STK32A: variants seen among roughly 807,000 people sequenced by gnomAD.
STK32A encodes serine/threonine-protein kinase 32A.
A neutral mutation model predicts 53.2 loss-of-function variants in STK32A; 41 were observed. The observed-to-expected ratio is 0.77, with a 90% CI of 0.60 to 1.00. The LOEUF (loss-of-function observed/expected upper bound fraction) is 1.00. Among genes scored for constraint, STK32A ranks in the 50% least tolerant of loss-of-function variants. The probability of loss-of-function intolerance (pLI) is 0.00; values close to 1 mark genes in which losing one functional copy is unlikely to be tolerated. For missense variants in STK32A, 458 were observed against 485.8 expected, an observed-to-expected ratio of 0.94 and a Z score of 0.54; for synonymous variants, 166 against 162.8, an observed-to-expected ratio of 1.02 and a Z score of -0.15.
intron 4 of STK32A, among the ~76,000 whole-genome samples, chr5:147,322,947 A>G (rs975801386): frequency 5.9e-5 from 9 of 152,266 alleles, no homozygotes; most frequent in African/African-American, 1.7e-4. Context: ...CGCCTTCTCC[A>G]GACACAAGTT....
Position 147,385,903 on chromosome 5 carries a change from A to C in STK32A, c.*1920A>C, listed in dbSNP as rs1043546671. On this transcript the variant is annotated 3_prime_UTR_variant, in exon 13 of 13. Coordinates refer to ENST00000397936, the MANE Select transcript of STK32A (RefSeq NM_001112724.2). ...TGATGCCCATTTGGGAAGCCAGGCA[A>C]GTGAAAATGGACCGAAGAAACAGAG... 5.3e-5 allele frequency: 8 copies of C among 152,258 alleles called. No individual in the cohort carries two copies. The highest frequency in any genetic ancestry group is 1.0e-4 in the Non-Finnish European group (7 of 68,068). 9.4% of individuals were successfully genotyped at this position (152,258 alleles called of 1,614,324 possible).
chr5:147,280,687 G>A (rs1752024075), intron 4 of STK32A, among the ~76,000 whole-genome samples: 2 of 151,432 alleles, frequency 1.3e-5, no homozygotes, highest in South Asian at 4.2e-4. Context: ...GCCCCCACCT[G>A]ATGGTCCTTC....
intron 4 of STK32A, among the ~76,000 whole-genome samples, chr5:147,312,272 T>A (rs1753740227): frequency 6.6e-6 from 1 of 152,072 alleles, no homozygotes; most frequent in East Asian, 1.9e-4. Context: ...GCTAATTTTT[T>A]TTTGTATTTG....
intron 2 of STK32A, among the ~76,000 whole-genome samples, chr5:147,251,774 G>A (rs76872286): frequency 0.073 from 11,173 of 152,156 alleles, 570 homozygotes; most frequent in African/African-American, 0.14. Context: ...AGTATTGGGG[G>A]GTTCCATCTA....
chr5:147,305,879 G>A (rs1753381425), intron 4 of STK32A, among the ~76,000 whole-genome samples: 1 of 151,178 alleles, frequency 6.6e-6, no homozygotes, highest in African/African-American at 2.4e-5. Context: ...GTGTACTTTT[G>A]TACACATGTA....
At chr5:147,242,034 C>A (rs1039881560) in intron 2 of STK32A, among the ~76,000 whole-genome samples, 12 of 152,130 alleles carry the variant, frequency 7.9e-5, no homozygotes, top group African/African-American at 2.7e-4. Context: ...AAATAAGATA[C>A]CCCTTTTTAG....
rs1211618063 is a variant in STK32A at position 147,386,175 on chromosome 5, C to G, written c.*2192C>G. On this transcript the variant is annotated 3_prime_UTR_variant, in exon 13 of 13. Coordinates refer to ENST00000397936, the MANE Select transcript of STK32A (RefSeq NM_001112724.2). ...TTCCTTTTCCCTACAGTTCCCACAT[C>G]ATTTGTCTGTGCTATTCTGTTTTTC... 3 of 152,206 alleles carry G rather than the reference C, an allele frequency of 2.0e-5. No homozygotes were observed. The highest frequency in any genetic ancestry group is 4.4e-5 in the Non-Finnish European group (3 of 68,052). 9.4% of individuals were successfully genotyped at this position (152,206 alleles called of 1,614,324 possible).
rs1036609565 is a variant in STK32A at position 147,387,378 on chromosome 5, T to C, written c.*3395T>C. ...TAATTACAGTAATCTAATTAATTAG[T>C]AGCTAGGCTTCTTCTGATAGGAAAG... is the stretch of plus-strand genomic sequence containing the variant. On this transcript the variant is annotated 3_prime_UTR_variant, in exon 13 of 13. Transcript: ENST00000397936. 7 of 152,272 alleles carry C rather than the reference T, an allele frequency of 4.6e-5. No individual in the cohort carries two copies. Among genetic ancestry groups the C allele is most frequent in the African/African-American group, 1.7e-4 (7 of 41,470 alleles). The allele number at this position is 152,272 out of a possible 1,614,324, so 9.4% of individuals were successfully genotyped here.
chr5:147,273,727 T>C (rs1329845560), intron 2 of STK32A, among the ~76,000 whole-genome samples: 1 of 152,222 alleles, frequency 6.6e-6, no homozygotes, highest in East Asian at 1.9e-4. Context: ...TGAAAAACTT[T>C]CTTGGTTTTA....
chr5:147,245,916 C>A (rs995459619), intron 2 of STK32A, among the ~76,000 whole-genome samples: 1 of 152,228 alleles, frequency 6.6e-6, no homozygotes, highest in Admixed American at 6.5e-5. Flanking sequence ...AAATGTTGGG[C>A]CAAGAAAATT....
intron 7 of STK32A, among the ~76,000 whole-genome samples, chr5:147,354,323 T>C (rs192411917): frequency 6.6e-6 from 1 of 152,354 alleles, no homozygotes; most frequent in African/African-American, 2.4e-5. Context: ...GGCTATTTTC[T>C]TGGAACCAAA....
intron 2 of STK32A, among the ~76,000 whole-genome samples, chr5:147,248,738 A>G (rs1055696390): frequency 9.9e-5 from 15 of 152,218 alleles, no homozygotes; most frequent in Admixed American, 6.5e-5. Context: ...AGGAATGGAT[A>G]AATCCCAGAC....
At chr5:147,250,212 A>T (rs1049749070) in intron 2 of STK32A, among the ~76,000 whole-genome samples, 1 of 152,058 alleles carries the variant, frequency 6.6e-6, no homozygotes, top group Non-Finnish European at 1.5e-5. Context: ...TCTAGAGTTC[A>T]CTTTTGGAGG....
intron 4 of STK32A, among the ~76,000 whole-genome samples, chr5:147,323,613 A>C (rs1263125596): frequency 6.6e-6 from 1 of 152,212 alleles, no homozygotes; most frequent in Admixed American, 6.5e-5. Context: ...TTATTGCTAC[A>C]TGAATAAACA....
chr5:147,391,318 G>C (rs944192267), downstream of STK32A: 2 of 152,646 alleles, frequency 1.3e-5, no homozygotes, highest in Non-Finnish European at 2.9e-5. Context: ...TCCACTTCTA[G>C]AAAACTTAGA....
At chr5:147,301,083 C>G (rs1278364176) in intron 4 of STK32A, among the ~76,000 whole-genome samples, 1 of 152,128 alleles carries the variant, frequency 6.6e-6, no homozygotes, top group Non-Finnish European at 1.5e-5. Context: ...ATGGTTGACA[C>G]TTTTATGCCA....
the STK32A span, among the ~76,000 whole-genome samples, chr5:147,400,095 ACT>A: frequency 6.6e-6 from 1 of 152,254 alleles, no homozygotes; most frequent in Non-Finnish European, 1.5e-5. Flanking sequence ...GCAGTAATCA[ACT>A]TAATAATGAG....
At chr5:147,284,722 T>C (rs1167108916) in intron 4 of STK32A, among the ~76,000 whole-genome samples, 2 of 135,826 alleles carry the variant, frequency 1.5e-5, no homozygotes, top group African/African-American at 5.4e-5. Flanking sequence ...AAAAAACAAA[T>C]ACTTAGGAAT....
At chr5:147,263,421 G>A (rs6870193) in intron 2 of STK32A, among the ~76,000 whole-genome samples, 44,935 of 151,776 alleles carry the variant, frequency 0.3, 6,992 homozygotes, top group African/African-American at 0.36. Flanking sequence ...AGGCTTTTGG[G>A]GAAGCCCTCT....
Sources: allele counts gnomAD v4.1 joint callset (sites outside exome capture counted in the v4.1 genomes callset), GRCh38; gene constraint gnomAD v4.1.1; transcripts MANE v1.5; gene names NCBI Gene and HGNC (gene_info 2026-07-23, HGNC 2026-07-21).